Variants in TRIO observed in about 807,000 individuals in gnomAD.
The protein encoded by TRIO is trio Rho guanine nucleotide exchange factor, also known as triple functional domain protein.
Under a neutral mutation model 351.9 loss-of-function variants are expected in TRIO, and 58 were observed. The ratio of observed to expected loss-of-function variants is 0.16; its 90% CI spans 0.13 to 0.21. The LOEUF (loss-of-function observed/expected upper bound fraction) is 0.21, where lower values mean the gene tolerates loss of function less well. Among genes scored for constraint, TRIO ranks in the 10% least tolerant of loss-of-function variants. TRIO has a pLI of 1.00. For missense variants in TRIO, 3,201 were observed against 4,027.8 expected, an observed-to-expected ratio of 0.79 and a Z score of 5.56; for synonymous variants, 1,758 against 1,595.7, an observed-to-expected ratio of 1.10 and a Z score of -2.42.
chr5:14,362,133 C>T (rs1744202707), intron 13 of TRIO, among the ~76,000 whole-genome samples: 1 of 152,152 alleles, frequency 6.6e-6, no homozygotes, highest in South Asian at 2.1e-4. Context: ...TGAATGTCTT[C>T]AAAGCTATAC....
intron 1 of TRIO, among the ~76,000 whole-genome samples, chr5:14,240,655 T>TC (rs1794073386): frequency 6.6e-6 from 1 of 152,210 alleles, no homozygotes; most frequent in Non-Finnish European, 1.5e-5. Context: ...GAGTCTGACA[T>TC]CAGAAGACTT....
chr5:14,361,916 G>A (rs1744186896), intron 13 of TRIO, among the ~76,000 whole-genome samples: 1 of 152,138 alleles, frequency 6.6e-6, no homozygotes, highest in Non-Finnish European at 1.5e-5. Flanking sequence ...TCAGGAGTTC[G>A]AGACCAGCCT....
At chr5:14,407,539 C>T (rs944722973) in intron 33 of TRIO, among the ~76,000 whole-genome samples, 4 of 152,126 alleles carry the variant, frequency 2.6e-5, no homozygotes, top group Admixed American at 6.5e-5. Flanking sequence ...AGTGTAGAAG[C>T]GGAGCTGCTC....
intron 1 of TRIO, among the ~76,000 whole-genome samples, chr5:14,231,475 G>C (rs1793423165): frequency 6.6e-6 from 1 of 152,178 alleles, no homozygotes; most frequent in Non-Finnish European, 1.5e-5. Context: ...CCTCCAGGCT[G>C]TCAATGAAGA....
intron 43 of TRIO, among the ~76,000 whole-genome samples, chr5:14,480,914 T>G (rs1755463842): frequency 6.6e-6 from 1 of 151,512 alleles, no homozygotes; most frequent in Non-Finnish European, 1.5e-5. Flanking sequence ...TTATGATTGC[T>G]CCTTTGAATA....
At chr5:14,454,556 C>T (rs972242344) in intron 34 of TRIO, among the ~76,000 whole-genome samples, 2 of 152,156 alleles carry the variant, frequency 1.3e-5, no homozygotes, top group African/African-American at 4.8e-5. Context: ...TATGCATAGG[C>T]TGAGAAATAA....
intron 1 of TRIO, chr5:14,183,776 T>G: frequency 1.8e-6 from 1 of 560,442 alleles, no homozygotes; most frequent in South Asian, 2.0e-5. Context: ...AGTTACAGCA[T>G]GCTGGCTGCT....
At chr5:14,228,349 C>T (rs1793178578) in intron 1 of TRIO, among the ~76,000 whole-genome samples, 1 of 152,162 alleles carries the variant, frequency 6.6e-6, no homozygotes, top group African/African-American at 2.4e-5. Context: ...GGGGGAACAG[C>T]CGCAAACATG....
chr5:14,407,156 G>A (rs1318506569), intron 33 of TRIO, among the ~76,000 whole-genome samples: 2 of 152,162 alleles, frequency 1.3e-5, no homozygotes, highest in African/African-American at 4.8e-5. Context: ...AGCATGTGGG[G>A]AGAGAGGAGT....
chr5:14,315,624 C>T (rs1739317391), intron 8 of TRIO, among the ~76,000 whole-genome samples: 1 of 152,266 alleles, frequency 6.6e-6, no homozygotes, highest in Admixed American at 6.5e-5. Flanking sequence ...AGAGGCCCTA[C>T]CTACTTAAGA....
chr5:14,445,133 CGT>C (rs1436756270), intron 34 of TRIO, among the ~76,000 whole-genome samples: 8 of 152,250 alleles, frequency 5.3e-5, no homozygotes, highest in African/African-American at 1.9e-4. Context: ...CTCAGGGACA[CGT>C]GAGCAAGTCC....
intron 1 of TRIO, among the ~76,000 whole-genome samples, chr5:14,218,894 C>A (rs1053561386): frequency 6.6e-6 from 1 of 152,228 alleles, no homozygotes; most frequent in African/African-American, 2.4e-5. Flanking sequence ...GAAGTGGGAT[C>A]CCTGTGCCGC....
chr5:14,417,091 T>C (rs374829933), intron 33 of TRIO, among the ~76,000 whole-genome samples: 26 of 152,354 alleles, frequency 1.7e-4, no homozygotes, highest in African/African-American at 6.3e-4. Flanking sequence ...GTCACGGGAC[T>C]AACCACTCCA....
chr5:14,266,241 T>G (rs1196383634), intron 1 of TRIO, among the ~76,000 whole-genome samples: 1 of 152,098 alleles, frequency 6.6e-6, no homozygotes, highest in East Asian at 1.9e-4. Flanking sequence ...TTTCGTATTT[T>G]AGTAGAGATG....
chr5:14,449,083 G>A (rs1252641004), intron 34 of TRIO, among the ~76,000 whole-genome samples: 2 of 152,094 alleles, frequency 1.3e-5, no homozygotes, highest in Non-Finnish European at 2.9e-5. Flanking sequence ...AGTAAGCCTC[G>A]GCCTACAGAG....
chr5:14,470,061 A>T (rs1754571772), intron 37 of TRIO, among the ~76,000 whole-genome samples: 2 of 152,212 alleles, frequency 1.3e-5, no homozygotes, highest in Admixed American at 1.3e-4. Flanking sequence ...GTTTGCTTCC[A>T]GTAAAGCTCA....
intron 31 of TRIO, among the ~76,000 whole-genome samples, chr5:14,403,559 CAGGTTGTGGTGGTGAGGGTGT>C (rs1748379447): frequency 4.1e-5 from 1 of 24,320 alleles, no homozygotes; most frequent in African/African-American, 2.5e-4. Context: ...TGTGAGGGTG[CAGGTTGTGGTGGTGAGGGTGT>C]AGGTTGTGGT....
chr5:14,354,548 T>G (rs1208548571), intron 11 of TRIO, among the ~76,000 whole-genome samples: 2 of 152,170 alleles, frequency 1.3e-5, no homozygotes, highest in Non-Finnish European at 2.9e-5. Flanking sequence ...TTACCTTTAT[T>G]TTCAGCTACA....
At chr5:14,263,102 T>C (rs929712181) in intron 1 of TRIO, among the ~76,000 whole-genome samples, 1 of 152,212 alleles carries the variant, frequency 6.6e-6, no homozygotes, top group Non-Finnish European at 1.5e-5. Context: ...ACAGATCTTT[T>C]ATTTGATAGG....
Sources: gnomAD v4.1 joint callset for allele counts (sites outside exome capture counted in the v4.1 genomes callset) on GRCh38, gnomAD v4.1.1 for gene constraint, MANE v1.5 for transcripts, NCBI Gene and HGNC (gene_info 2026-07-23, HGNC 2026-07-21) for gene names.